Variants in CAMK1D observed in about 807,000 individuals in gnomAD.
CAMK1D encodes calcium/calmodulin-dependent protein kinase type 1D.
Under a neutral mutation model 47.7 loss-of-function variants are expected in CAMK1D, and 9 were observed. The observed-to-expected ratio is 0.19, with a 90% CI of 0.11 to 0.33. CAMK1D has a LOEUF of 0.33. Ranked by LOEUF, CAMK1D falls within the 10% of genes least tolerant of loss-of-function variation. The pLI, the probability that CAMK1D is intolerant of heterozygous loss-of-function variation, is 1.00. For synonymous variants in CAMK1D, 184 were observed against 184.9 expected (o/e 0.99, Z 0.04); for missense variants, 291 against 488.7 (o/e 0.60, Z 3.81).
intron 8 of CAMK1D, among the ~76,000 whole-genome samples, chr10:12,819,705 A>C (rs1425868482): frequency 6.6e-6 from 1 of 152,218 alleles, no homozygotes; most frequent in East Asian, 1.9e-4. Flanking sequence ...GACATCTGTT[A>C]GGCAGGGTGC....
chr10:12,384,670 G>T lies in CAMK1D; in HGVS notation c.92+34760G>T, dbSNP rs141043221. Among the ~76,000 whole-genome samples the T allele has an allele frequency of 4.9e-4, 75 of 152,250 alleles. 1 individual carries two copies. The highest frequency in any genetic ancestry group is 9.8e-4 in the Admixed American group (15 of 15,284). ...TGAATTTGGACCATTGTCTCACACT[G>T]TATGTAAAAATTAACTCAAAATGGA... On this transcript the variant is annotated intron_variant, in intron 1 of 10. Transcript: ENST00000619168.
intron 3 of CAMK1D, among the ~76,000 whole-genome samples, chr10:12,686,642 G>A (rs888912826): frequency 8.6e-5 from 13 of 152,000 alleles, no homozygotes; most frequent in African/African-American, 3.1e-4. Context: ...TTTTATTTAT[G>A]GCTTAAAACA....
intron 1 of CAMK1D, among the ~76,000 whole-genome samples, chr10:12,460,708 G>A (rs1833397478): frequency 6.6e-6 from 1 of 152,144 alleles, no homozygotes; most frequent in Admixed American, 6.6e-5. Context: ...GATTACAGGT[G>A]TGAGACACTG....
chr10:12,493,286 C>T (rs1834442413), intron 1 of CAMK1D, among the ~76,000 whole-genome samples: 1 of 152,048 alleles, frequency 6.6e-6, no homozygotes, highest in African/African-American at 2.4e-5. Flanking sequence ...GGCAGGATTA[C>T]CTTTGGGGTG....
At chr10:12,795,224 C>T (rs1838145277) in intron 6 of CAMK1D, among the ~76,000 whole-genome samples, 1 of 152,088 alleles carries the variant, frequency 6.6e-6, no homozygotes, top group Non-Finnish European at 1.5e-5. Flanking sequence ...AGGCAAGGAC[C>T]AGAGCAGGGT....
intron 3 of CAMK1D, among the ~76,000 whole-genome samples, chr10:12,760,254 A>G (rs1252579948): frequency 6.6e-6 from 1 of 152,214 alleles, no homozygotes; most frequent in Non-Finnish European, 1.5e-5. Context: ...TGTTAAATGC[A>G]ATCTGAAATG....
At chr10:12,793,398 C>G (rs1838066154) in intron 6 of CAMK1D, among the ~76,000 whole-genome samples, 2 of 152,186 alleles carry the variant, frequency 1.3e-5, no homozygotes, top group Admixed American at 6.5e-5. Context: ...TGGTACAGCT[C>G]TGGTTAGGTA....
intron 5 of CAMK1D, among the ~76,000 whole-genome samples, chr10:12,783,063 G>A (rs1837570814): frequency 6.7e-6 from 1 of 150,080 alleles, no homozygotes; most frequent in Non-Finnish European, 1.5e-5. Flanking sequence ...TGCAATCTTG[G>A]CTCACTGCAA....
chr10:12,727,914 T>C (rs1481527077), intron 3 of CAMK1D, among the ~76,000 whole-genome samples: 3 of 152,122 alleles, frequency 2.0e-5, no homozygotes, highest in Non-Finnish European at 4.4e-5. Context: ...TACAGGCATG[T>C]GCCACTATGC....
At chr10:12,376,712 T>C (rs1228918926) in intron 1 of CAMK1D, among the ~76,000 whole-genome samples, 1 of 152,078 alleles carries the variant, frequency 6.6e-6, no homozygotes, top group Non-Finnish European at 1.5e-5. Context: ...GAAACCTTTG[T>C]GCTGACAGAG....
intron 5 of CAMK1D, among the ~76,000 whole-genome samples, chr10:12,778,894 G>A (rs560168026): frequency 6.6e-6 from 1 of 152,156 alleles, no homozygotes; most frequent in African/African-American, 2.4e-5. Context: ...GGGAATGAGA[G>A]GGTTCATCAA....
chr10:12,537,212 C>T (rs755041849), intron 1 of CAMK1D, among the ~76,000 whole-genome samples: 1 of 152,138 alleles, frequency 6.6e-6, no homozygotes, highest in Non-Finnish European at 1.5e-5. Flanking sequence ...GCTGGGATTA[C>T]ACATGTGTAC....
Position 12,504,108 on chromosome 10 carries a change from G to GT in CAMK1D, c.93-49117_93-49116insT, listed in dbSNP as rs1834792129. 2.3e-4 allele frequency among the ~76,000 whole-genome samples: 34 copies of GT among 147,752 alleles called. No individual in the cohort carries two copies. In the South Asian group the frequency reaches 3.5e-3, roughly 15 times the overall value. On this transcript the variant is annotated intron_variant, in intron 1 of 10. Coordinates refer to ENST00000619168, the MANE Select transcript of CAMK1D (RefSeq NM_153498.4). ...AAACATAAACGGAACCAATAAGATG[G>GT]GTGTGTGTGTGTGTGTGTGTCTGTG...
rs115177525 is a variant in CAMK1D, at chr10:12,677,845, G to T, written c.299+11035G>T. On this transcript the variant is annotated intron_variant, in intron 3 of 10. Coordinates refer to ENST00000619168, the MANE Select transcript of CAMK1D (RefSeq NM_153498.4). Reference sequence around the variant, plus strand: ...GGAGTTCAGTCTGGCTGGGGTCAGTGGTAATGTGACATCTTGGTGGGAGTT... The same window carrying T: ...GGAGTTCAGTCTGGCTGGGGTCAGTTGTAATGTGACATCTTGGTGGGAGTT... Among the ~76,000 whole-genome samples, 607 of 152,260 alleles carry T rather than the reference G, an allele frequency of 4.0e-3. 7 individuals are homozygous for T. The highest frequency in any genetic ancestry group is 0.013 in the African/African-American group (552 of 41,554).
chr10:12,768,144 A>G (rs2130926690), intron 4 of CAMK1D, among the ~76,000 whole-genome samples: 1 of 152,298 alleles, frequency 6.6e-6, no homozygotes, highest in East Asian at 1.9e-4. Context: ...AAGTGCTGGG[A>G]TTACAGGTGT....
rs776272630 is a variant in CAMK1D at position 12,745,092 on chromosome 10, G to A, written c.300-15856G>A. Among the ~76,000 whole-genome samples, 9 of 152,380 alleles carry A rather than the reference G, an allele frequency of 5.9e-5. No homozygotes were observed. The East Asian group carries it at 1.3e-3, about 23-fold the overall frequency. Reference sequence around the variant, plus strand: ...ATCGTCCAGGCTGGAGCGCAATGGCGCAATCTCGGCTCACTGCAAGCTCTG... The same window carrying A: ...ATCGTCCAGGCTGGAGCGCAATGGCACAATCTCGGCTCACTGCAAGCTCTG... On this transcript the variant is annotated intron_variant, in intron 3 of 10. Coordinates refer to ENST00000619168, the MANE Select transcript of CAMK1D (RefSeq NM_153498.4).
intron 5 of CAMK1D, among the ~76,000 whole-genome samples, chr10:12,790,337 C>T (rs775266218): frequency 6.6e-6 from 1 of 152,228 alleles, no homozygotes; most frequent in Non-Finnish European, 1.5e-5. Flanking sequence ...TAGCTCTGAG[C>T]TCCACTGCAC....
intron 3 of CAMK1D, among the ~76,000 whole-genome samples, chr10:12,751,045 TC>T (rs1180550291): frequency 1.4e-5 from 2 of 143,622 alleles, no homozygotes; most frequent in African/African-American, 2.6e-5. Flanking sequence ...GGAGCCCGTC[TC>T]CCCCAATAAG....
intron 1 of CAMK1D, among the ~76,000 whole-genome samples, chr10:12,464,816 A>T (rs1448511760): frequency 6.0e-5 from 1 of 16,530 alleles, no homozygotes; most frequent in Non-Finnish European, 1.6e-4. Context: ...CTCCATCTTA[A>T]AAAAAAAAAA....
Sources: gnomAD v4.1 joint callset for allele counts (sites outside exome capture counted in the v4.1 genomes callset) on GRCh38, gnomAD v4.1.1 for gene constraint, MANE v1.5 for transcripts, NCBI Gene and HGNC (gene_info 2026-07-23, HGNC 2026-07-21) for gene names.